The following CTPS2 variants were observed in gnomAD, a reference collection of about 807,000 sequenced individuals.
CTPS2 encodes CTP synthase 2.
Under a neutral mutation model 46.8 loss-of-function variants are expected in CTPS2, and 19 were observed. That is an observed-to-expected ratio of 0.41 (90% CI 0.28 to 0.60). The LOEUF (loss-of-function observed/expected upper bound fraction) is 0.60, where lower values mean the gene tolerates loss of function less well. Ranked by LOEUF, CTPS2 falls within the 20% of genes least tolerant of loss-of-function variation. CTPS2 has a pLI of 0.35. For synonymous variants in CTPS2, 151 were observed against 165.2 expected (o/e 0.91, Z 0.66); for missense variants, 286 against 447.6 (o/e 0.64, Z 3.26).
chrX:16,697,456 T>C (rs868493018), intron 4 of CTPS2, among the ~76,000 whole-genome samples: 58 of 93,789 alleles, frequency 6.2e-4, no homozygotes, highest in Non-Finnish European at 1.2e-3. Context: ...TTTTTTTTTT[T>C]TTAAATTAAG....
chrX:16,629,373 C>T (rs1287133479), intron 14 of CTPS2, among the ~76,000 whole-genome samples: 2 of 111,863 alleles, frequency 1.8e-5, no homozygotes, highest in African/African-American at 6.5e-5. Flanking sequence ...CGGGGAGGCT[C>T]GCCAAGTGGT....
At chrX:16,704,495 C>A (rs747898191) in intron 1 of CTPS2, among the ~76,000 whole-genome samples, 1 of 111,490 alleles carries the variant, frequency 9.0e-6, no homozygotes, top group Non-Finnish European at 1.9e-5. Context: ...TGGTTGTCAG[C>A]GGGTAGGAGG....
At chrX:16,665,137 A>C (rs779232878) in intron 13 of CTPS2, among the ~76,000 whole-genome samples, 1 of 112,256 alleles carries the variant, frequency 8.9e-6, no homozygotes, top group Non-Finnish European at 1.9e-5. Context: ...AGACAGAAAT[A>C]ACAAATGTTC....
At chrX:16,672,241 C>G (rs778729106) in intron 10 of CTPS2, among the ~76,000 whole-genome samples, 1 of 111,155 alleles carries the variant, frequency 9.0e-6, no homozygotes, top group East Asian at 2.8e-4. Context: ...GACCATGGGA[C>G]ATGGGGAGCT....
chrX:16,676,461 A>T (rs1922284495), intron 10 of CTPS2, among the ~76,000 whole-genome samples: 1 of 112,213 alleles, frequency 8.9e-6, no homozygotes, highest in Non-Finnish European at 1.9e-5. Flanking sequence ...CTTATCTGAG[A>T]TTCCTTATGG....
At chrX:16,601,581 G>A (rs955909447) in intron 17 of CTPS2, among the ~76,000 whole-genome samples, 1 of 104,348 alleles carries the variant, frequency 9.6e-6, no homozygotes, top group East Asian at 3.2e-4. Context: ...TCGGGGGGGG[G>A]GGGGTTTAAG....
intron 14 of CTPS2, among the ~76,000 whole-genome samples, chrX:16,626,180 G>A (rs1931136203): frequency 9.0e-6 from 1 of 111,123 alleles, no homozygotes; most frequent in South Asian, 3.8e-4. Context: ...TCAGGAGATC[G>A]AGACCAGGCT....
intron 14 of CTPS2, among the ~76,000 whole-genome samples, chrX:16,636,700 A>G (rs917840478): frequency 3.6e-5 from 4 of 111,734 alleles, no homozygotes; most frequent in Admixed American, 9.5e-5. Flanking sequence ...CGAGGCGGGC[A>G]GATCACGAGG....
chrX:16,634,117 G>A (rs771798452), intron 14 of CTPS2, among the ~76,000 whole-genome samples: 14 of 111,749 alleles, frequency 1.3e-4, no homozygotes, highest in Non-Finnish European at 2.6e-4. Context: ...AAAAAGTGAT[G>A]CCACCAGAAA....
At chrX:16,662,597 C>T (rs935636115) in intron 13 of CTPS2, among the ~76,000 whole-genome samples, 5 of 110,845 alleles carry the variant, frequency 4.5e-5, no homozygotes, top group Non-Finnish European at 9.4e-5. Context: ...GCTAGAACAG[C>T]CAGAATGACC....
Position 16,694,898 on chromosome X carries a change from G to A in CTPS2, c.439-1411C>T, listed in dbSNP as rs562247830. Among the ~76,000 whole-genome samples, 11 of 111,655 alleles carry A rather than the reference G, an allele frequency of 9.9e-5. No homozygotes were observed. The South Asian group carries it at 3.8e-3, about 38-fold the overall frequency. On this transcript the variant is annotated intron_variant, in intron 4 of 18. Transcript: ENST00000359276. ...TGGTCCCAGCCACTCAGGAGGCTGA[G>A]GTGGGAGGATCGCTTGAGCCTGGAG...
At chrX:16,691,664 G>A in intron 6 of CTPS2, 44 bp from the exon 7 acceptor site, 1 of 1,044,847 alleles carries the variant, frequency 9.6e-7, no homozygotes, top group Non-Finnish European at 1.3e-6. Flanking sequence ...TTCACTTTCA[G>A]CAGGATGCCA....
chrX:16,603,964 T>C (rs1227623078), intron 17 of CTPS2, among the ~76,000 whole-genome samples: 1 of 111,358 alleles, frequency 9.0e-6, no homozygotes, highest in Non-Finnish European at 1.9e-5. Flanking sequence ...ACTTAGATCC[T>C]AGGGGCACAC....
intron 13 of CTPS2, among the ~76,000 whole-genome samples, chrX:16,665,523 G>A (rs186388281): frequency 8.9e-6 from 1 of 112,116 alleles, no homozygotes; most frequent in East Asian, 2.8e-4. Context: ...GTCACAAAAG[G>A]CTACATATTG....
chrX:16,615,685 GC>G (rs1930493416), intron 16 of CTPS2, among the ~76,000 whole-genome samples: 1 of 111,825 alleles, frequency 8.9e-6, no homozygotes, highest in Non-Finnish European at 1.9e-5. Context: ...ATTAGAGTAT[GC>G]CCTTTTGCCC....
intron 13 of CTPS2, among the ~76,000 whole-genome samples, chrX:16,662,012 A>ATATATATATGTATATATATATATATATG (rs1555967619): frequency 9.5e-6 from 1 of 105,393 alleles, no homozygotes; most frequent in African/African-American, 3.5e-5. Flanking sequence ...ATATATATAT[A>ATATATATATGTATATATATATATATATG]TGCCTCAAAA....
intron 2 of CTPS2, among the ~76,000 whole-genome samples, chrX:16,701,671 G>A (rs190507748): frequency 3.7e-5 from 4 of 107,732 alleles, no homozygotes; most frequent in East Asian, 6.0e-4. Flanking sequence ...GCGCAATCTC[G>A]GCTCACTGCA....
intron 14 of CTPS2, among the ~76,000 whole-genome samples, chrX:16,635,444 G>A (rs994029121): frequency 9.0e-6 from 1 of 111,632 alleles, no homozygotes; most frequent in Non-Finnish European, 1.9e-5. Flanking sequence ...AGGCTGAGGC[G>A]GGTAGATCAC....
At chrX:16,663,396 C>A (rs1933027819) in intron 13 of CTPS2, among the ~76,000 whole-genome samples, 2 of 111,776 alleles carry the variant, frequency 1.8e-5, no homozygotes, top group South Asian at 7.4e-4. Context: ...GTCCTCCCGC[C>A]TCAGCCTCCA....
Sources: allele counts gnomAD v4.1 joint callset (sites outside exome capture counted in the v4.1 genomes callset), GRCh38; gene constraint gnomAD v4.1.1; transcripts MANE v1.5; gene names NCBI Gene and HGNC (gene_info 2026-07-23, HGNC 2026-07-21).